NUPR1: variants seen among roughly 807,000 people sequenced by gnomAD.
NUPR1 encodes nuclear protein 1.
A neutral mutation model predicts 7.3 loss-of-function variants in NUPR1; 8 were observed. That is an observed-to-expected ratio of 1.09 (90% CI 0.64 to 1.97). The LOEUF is 1.97. Ranked by LOEUF, NUPR1 falls within the 30% of genes most tolerant of loss-of-function variation. The pLI, the probability that NUPR1 is intolerant of heterozygous loss-of-function variation, is 0.00. For missense variants in NUPR1, 96 were observed against 111.7 expected (o/e 0.86, Z 0.63); for synonymous variants, 39 against 44.5 (o/e 0.88, Z 0.49).
chr16:28,535,582 TTC>T lies in NUPR1; in HGVS notation c.*2099_*2100del, dbSNP rs1491343459. ...TTCTTTCCTTCCTTCCTTTCTTTCT[TTC>T]TTTCTTTCTTTCTTTCTTTCTTTCT... On this transcript the variant is annotated 3_prime_UTR_variant, in exon 3 of 3. Coordinates refer to ENST00000324873, the MANE Select transcript of NUPR1 (RefSeq NM_012385.3). 7 of 39,534 alleles carry T rather than the reference TTC, an allele frequency of 1.8e-4. No individual in the cohort carries two copies. The highest frequency in any genetic ancestry group is 1.2e-3 in the South Asian group (1 of 868). 2.4% of individuals were successfully genotyped at this position (39,534 alleles called of 1,614,324 possible).
At position 28,535,555 on chromosome 16, in the gene NUPR1, C is replaced by CTTTCCTTCT; in HGVS notation, c.*2127_*2128insAGAAGGAAA. ...TCTTTCTTTCTTTCCTTCTTTCTTT[C>CTTTCCTTCT]TTTCTTTCCTTCCTTCCTTTCTTTC... On this transcript the variant is annotated 3_prime_UTR_variant, in exon 3 of 3. Transcript: ENST00000324873. 6.6e-5 allele frequency: 2 copies of CTTTCCTTCT among 30,274 alleles called. No homozygotes were observed. The highest frequency in any genetic ancestry group is 1.8e-4 in the Non-Finnish European group (2 of 11,408). 1.9% of individuals were successfully genotyped at this position (30,274 alleles called of 1,614,324 possible). A position where few individuals can be genotyped will look rare whatever the true frequency, so the allele number is the denominator to read the frequency against.
intron 2 of NUPR1, 60 bp downstream of exon 2, chr16:28,537,946 C>T (rs907041383): frequency 1.8e-5 from 26 of 1,413,904 alleles, no homozygotes; most frequent in Admixed American, 7.5e-5. Context: ...ACACACCTTC[C>T]GGCCTGTCCT....
rs1348865758 is a variant in NUPR1 at position 28,532,827 on chromosome 16, C to T, written c.*4856G>A. On this transcript the variant is annotated 3_prime_UTR_variant, in exon 3 of 3. Coordinates refer to ENST00000324873, the MANE Select transcript of NUPR1 (RefSeq NM_012385.3). ...CCTGAGTTCATAATTCCAAGTCCTA[C>T]AGGATGTGGCTGTGTGACTTTAGGC... The T allele has an allele frequency of 6.6e-6, 1 of 152,182 alleles. No individual in the cohort carries two copies. Among genetic ancestry groups the T allele is most frequent in the East Asian group, 1.9e-4 (1 of 5,202 alleles). 9.4% of individuals were successfully genotyped at this position (152,182 alleles called of 1,614,324 possible). A position where few individuals can be genotyped will look rare whatever the true frequency, so the allele number is the denominator to read the frequency against.
intron 1 of NUPR1, 121 bp downstream of exon 1, chr16:28,538,665 GAGTGACTCTC>G: frequency 1.3e-6 from 1 of 789,654 alleles, no homozygotes; most frequent in Non-Finnish European, 2.2e-6. Flanking sequence ...CTGGGTGACA[GAGTGACTCTC>G]TCAAAAAAAA....
At chr16:28,538,753 G>C (rs766331165) in intron 1 of NUPR1, 43 bp downstream of exon 1, 24 of 1,445,794 alleles carry the variant, frequency 1.7e-5, no homozygotes, top group African/African-American at 1.3e-4. Context: ...TCCTGATTTC[G>C]GGAGAGGAGG....
rs779024865 is a variant in NUPR1, at chr16:28,538,917, C to T, written c.-10G>A. 15 of 1,606,840 alleles carry T rather than the reference C, an allele frequency of 9.3e-6. No homozygotes were observed. Among genetic ancestry groups the T allele is most frequent in the African/African-American group, 1.3e-5 (1 of 74,676 alleles). ...GTGGGAAGGTGGCCATCGTGCCTGG[C>T]TTGTCTTCCCTGCCTCTCTTCTTCT... On this transcript the variant is annotated 5_prime_UTR_variant, in exon 1 of 3. Transcript: ENST00000324873.
chr16:28,538,326 T>A, intron 1 of NUPR1, 171 bp from the exon 2 acceptor site: 1 of 872,668 alleles, frequency 1.1e-6, no homozygotes, highest in Non-Finnish European at 1.8e-6. Context: ...CCAGGCTGAG[T>A]AACATAGCAC....
chr16:28,538,747 G>T, intron 1 of NUPR1, 49 bp downstream of exon 1: 1 of 1,408,724 alleles, frequency 7.1e-7, no homozygotes, highest in Non-Finnish European at 1.0e-6. Context: ...GGTGGGTCCT[G>T]ATTTCGGGAG....
Position 28,535,391 on chromosome 16 carries a change from C to G in NUPR1, c.*2292G>C, listed in dbSNP as rs1433499921. On this transcript the variant is annotated 3_prime_UTR_variant, in exon 3 of 3. Coordinates refer to ENST00000324873, the MANE Select transcript of NUPR1 (RefSeq NM_012385.3). Reference sequence around the variant, plus strand: ...CTGGAGTGCAATGGCGTGATCTTGGCTCACCACAACTTCTGCCTCGAACTC... The same window carrying G: ...CTGGAGTGCAATGGCGTGATCTTGGGTCACCACAACTTCTGCCTCGAACTC... The G allele has an allele frequency of 1.3e-5, 2 of 152,198 alleles. No homozygotes were observed. The highest frequency in any genetic ancestry group is 4.8e-5 in the African/African-American group (2 of 41,330). The allele number at this position is 152,198 out of a possible 1,614,324, so 9.4% of individuals were successfully genotyped here.
At position 28,537,472 on chromosome 16, in the gene NUPR1, TC is replaced by T. The variant is rs1459779569; in HGVS notation, c.*210del. On this transcript the variant is annotated 3_prime_UTR_variant, in exon 3 of 3. Transcript: ENST00000324873. ...GATCTTCCTGGCTCTGCCCCTCCAT[TC>T]CCAGCCTCTCACTCCCCATCTTGCA... 6.6e-6 allele frequency: 1 copy of T among 152,424 alleles called. No homozygotes were observed. Among genetic ancestry groups the T allele is most frequent in the East Asian group, 1.9e-4 (1 of 5,322 alleles). The allele number at this position is 152,424 out of a possible 1,614,324, so 9.4% of individuals were successfully genotyped here.
rs77637204 is a variant in NUPR1, at chr16:28,538,355, G to C, written c.113-200C>G. On this transcript the variant is annotated intron_variant, in intron 1 of 2. Transcript: ENST00000324873. ...ATAGCACTCCTGGGATAAGGGATTA[G>C]ACAGGGGTGACGTGAGGGTCCAAGG... The C allele has an allele frequency of 2.2e-3, 1,593 of 733,028 alleles. 17 individuals carry two copies. The African/African-American group carries it at 0.025, about 11-fold the overall frequency. The allele number at this position is 733,028 out of a possible 1,614,324, so 45.4% of individuals were successfully genotyped here. A position where few individuals can be genotyped will look rare whatever the true frequency, so the allele number is the denominator to read the frequency against.
chr16:28,538,558 C>T, intron 1 of NUPR1: 5 of 639,648 alleles, frequency 7.8e-6, no homozygotes, highest in Non-Finnish European at 1.4e-5. Context: ...AAGTTCCAGC[C>T]ACTCAGGAGG....
chr16:28,537,882 C>T (rs1345000444), intron 2 of NUPR1, 124 bp downstream of exon 2: 5 of 764,852 alleles, frequency 6.5e-6, no homozygotes, highest in Admixed American at 2.3e-5. Context: ...ACATATGTCT[C>T]GTTTTATTCT....
In NUPR1 at chr16:28,538,022, G is replaced by T. The variant is rs1490406932; in HGVS notation, c.246C>A (p.Arg82=). ...ACTCCTTACCTCCAGCTCTGTCTCA[G>T]CGCCGTGCCCCTCGCTTCTTCCTCT... ...NSERKKRGAR[R] is the part of the protein sequence containing the mutation. The change falls in exon 2 of 3, where the codon CGC becomes CGA. Residue 82 remains arginine, a synonymous_variant. Coordinates refer to ENST00000324873, the MANE Select transcript of NUPR1 (RefSeq NM_012385.3). The T allele has an allele frequency of 1.2e-6, 2 of 1,612,886 alleles. No homozygotes were observed. Among genetic ancestry groups the T allele is most frequent in the Non-Finnish European group, 8.5e-7 (1 of 1,179,410 alleles).
Position 28,533,105 on chromosome 16 carries a change from T to C in NUPR1, c.*4578A>G, listed in dbSNP as rs1021829252. The C allele has an allele frequency of 3.9e-5, 6 of 152,310 alleles. No homozygotes were observed. The highest frequency in any genetic ancestry group is 1.4e-4 in the African/African-American group (6 of 41,454). The allele number at this position is 152,310 out of a possible 1,614,324, so 9.4% of individuals were successfully genotyped here. On this transcript the variant is annotated 3_prime_UTR_variant, in exon 3 of 3. Coordinates refer to ENST00000324873, the MANE Select transcript of NUPR1 (RefSeq NM_012385.3). ...TTTGCTCCCTGGGTTCTAGAGCTGA[T>C]GGTGGCCCTATTCCTGGTTCCAGTC...
chr16:28,538,765 A>G (rs1436049039), intron 1 of NUPR1, 31 bp downstream of exon 1: 2 of 1,525,902 alleles, frequency 1.3e-6, no homozygotes, highest in Non-Finnish European at 1.8e-6. Context: ...GAGAGGAGGA[A>G]GGACCGTGGA....
In NUPR1 at chr16:28,537,095, G is replaced by C. The variant is rs1181359895; in HGVS notation, c.*588C>G. ...AGGGCCGTGTTTCATGGGCAGTATCGCAAAAAAGCAGAAGAAATTCCTTTC... is the reference window on the plus strand; with the variant it reads ...AGGGCCGTGTTTCATGGGCAGTATCCCAAAAAAGCAGAAGAAATTCCTTTC... On this transcript the variant is annotated 3_prime_UTR_variant, in exon 3 of 3. Transcript: ENST00000324873. 1 of 152,106 alleles carries C rather than the reference G, an allele frequency of 6.6e-6. No homozygotes were observed. The highest frequency in any genetic ancestry group is 1.5e-5 in the Non-Finnish European group (1 of 68,022). The allele number at this position is 152,106 out of a possible 1,614,324, so 9.4% of individuals were successfully genotyped here.
rs776852135 is a variant in NUPR1 at position 28,538,947 on chromosome 16, A to C, written c.-40T>G. The C allele has an allele frequency of 6.5e-7, 1 of 1,545,304 alleles. No homozygotes were observed. The highest frequency in any genetic ancestry group is 1.1e-5 in the South Asian group (1 of 88,724). The stretch of plus-strand genomic sequence containing the variant: ...CTTCCCTGCCTCTCTTCTTCTCCTA[A>C]CGCTTTGTCTGTCTCTGCTTTCCTG... On this transcript the variant is annotated 5_prime_UTR_variant, in exon 1 of 3. Coordinates refer to ENST00000324873, the MANE Select transcript of NUPR1 (RefSeq NM_012385.3).
rs753966034 is a variant in NUPR1, at chr16:28,538,035, C to T, written c.233G>A (p.Arg78Gln). 2.6e-5 allele frequency: 42 copies of T among 1,613,726 alleles called. No individual in the cohort carries two copies. In the Middle Eastern group the frequency reaches 1.8e-3, roughly 69 times the overall value. ...TKLQNSERKK[R>Q]GARR is the part of the protein sequence containing the mutation. ...AGCTCTGTCTCAGCGCCGTGCCCCT[C>T]GCTTCTTCCTCTCTGAATTCTGCAG... Residue 78 changes from arginine to glutamine, a missense_variant, in exon 2 of 3, where the codon CGA (arginine) becomes CAA (glutamine). Coordinates refer to ENST00000324873, the MANE Select transcript of NUPR1 (RefSeq NM_012385.3).
Sources: allele counts gnomAD v4.1 joint callset, GRCh38; gene constraint gnomAD v4.1.1; transcripts MANE v1.5; gene names NCBI Gene and HGNC (gene_info 2026-07-23, HGNC 2026-07-21).